Variants in DOCK4 observed in about 807,000 individuals in gnomAD.
The protein encoded by DOCK4 is dedicator of cytokinesis 4.
A neutral mutation model predicts 268.1 loss-of-function variants in DOCK4; 97 were observed. The observed-to-expected ratio is 0.36, with a 90% CI of 0.31 to 0.43. DOCK4 has a LOEUF of 0.43. Ranked by LOEUF, DOCK4 falls within the 20% of genes least tolerant of loss-of-function variation. The probability of loss-of-function intolerance (pLI) is 1.00; values close to 1 mark genes in which losing one functional copy is unlikely to be tolerated. For synonymous variants in DOCK4, 954 were observed against 887.2 expected (o/e 1.08, Z -1.34); for missense variants, 2,145 against 2,455.7 (o/e 0.87, Z 2.67).
In DOCK4 at chr7:111,994,140, A is replaced by C; in HGVS notation, c.310T>G (p.Tyr104Asp). 1 of 1,593,758 alleles carries C rather than the reference A, an allele frequency of 6.3e-7. No homozygotes were observed. Among genetic ancestry groups the C allele is most frequent in the Non-Finnish European group, 8.6e-7 (1 of 1,168,554 alleles). The change falls in exon 5 of 53, where the codon TAT becomes GAT. Residue 104 changes from tyrosine (Y) to aspartate (D), a missense_variant. Tyr to Asp is a radical substitution (Grantham distance 160). Coordinates refer to ENST00000428084, the MANE Select transcript of DOCK4 (RefSeq NM_001363540.2). ...RDWGTMWKQL[Y>D]VRNEGDLFHR... is the part of the protein sequence containing the mutation. ...TCATTAAAAAGCTACTTAACCACAT[A>C]GAGTTGTTTCCACATGGTTCCCCAG... is the stretch of plus-strand genomic sequence containing the variant.
chr7:111,996,494 A>G (rs1036090263), intron 4 of DOCK4, among the ~76,000 whole-genome samples: 38 of 152,204 alleles, frequency 2.5e-4, no homozygotes, highest in Middle Eastern at 3.2e-3. Flanking sequence ...CAAAACCCCA[A>G]AGATGTTCCT....
rs147096796 is a variant in DOCK4, at chr7:111,856,237, G to A, written c.2473+7135C>T. Among the ~76,000 whole-genome samples the A allele has an allele frequency of 4.4e-3, 667 of 152,302 alleles. 3 individuals carry two copies. Among genetic ancestry groups the A allele is most frequent in the African/African-American group, 0.016 (647 of 41,550 alleles). On this transcript the variant is annotated intron_variant, in intron 23 of 52. Transcript: ENST00000428084. Reference sequence around the variant, plus strand: ...TTATACTGTCAATCCGCATTGAGAAGTTCAGAAACATAGTAAGAGAACTAA... The same window carrying A: ...TTATACTGTCAATCCGCATTGAGAAATTCAGAAACATAGTAAGAGAACTAA...
intron 1 of DOCK4, among the ~76,000 whole-genome samples, chr7:112,024,600 C>T (rs1373505910): frequency 3.3e-5 from 5 of 152,128 alleles, no homozygotes; most frequent in Admixed American, 2.0e-4. Flanking sequence ...TGCACCAAAG[C>T]CAACCTAGTC....
chr7:111,814,966 C>T (rs1331385679), intron 27 of DOCK4, among the ~76,000 whole-genome samples: 1 of 152,028 alleles, frequency 6.6e-6, no homozygotes, highest in African/African-American at 2.4e-5. Context: ...ATTAACTGTC[C>T]AATTTTAATA....
intron 23 of DOCK4, among the ~76,000 whole-genome samples, chr7:111,850,741 G>T (rs1389592993): frequency 1.3e-5 from 2 of 149,776 alleles, no homozygotes; most frequent in Non-Finnish European, 3.0e-5. Context: ...CCCCACCCCT[G>T]CCCTCAAGAG....
At chr7:111,991,988 A>AAAAAAAAT (rs1799581134) in intron 5 of DOCK4, among the ~76,000 whole-genome samples, 6 of 135,668 alleles carry the variant, frequency 4.4e-5, no homozygotes, top group South Asian at 2.3e-4. Context: ...AAAAAAAAAA[A>AAAAAAAAT]GTGCCTGGCA....
At chr7:111,809,503 T>C (rs938888875) in intron 28 of DOCK4, 102 bp from the exon 29 acceptor site, 13 of 934,946 alleles carry the variant, frequency 1.4e-5, no homozygotes, top group Middle Eastern at 5.6e-4. Context: ...GTTGAGGGTA[T>C]AGTTGAAGTA....
In DOCK4 at chr7:111,979,257, T is replaced by C. The variant is rs986915167; in HGVS notation, c.550-1974A>G. ...AAGCAAAGGGTGGAAAAAATTTAGC[T>C]AAATTCATCTACAATCACTGTATAC... On this transcript the variant is annotated intron_variant, in intron 7 of 52. Transcript: ENST00000428084. 2.0e-5 allele frequency among the ~76,000 whole-genome samples: 3 copies of C among 152,182 alleles called. No individual in the cohort carries two copies. In the East Asian group the frequency reaches 5.8e-4, roughly 29 times the overall value.
At chr7:111,874,936 G>T (rs1335905474) in intron 17 of DOCK4, among the ~76,000 whole-genome samples, 1 of 152,178 alleles carries the variant, frequency 6.6e-6, no homozygotes, top group Non-Finnish European at 1.5e-5. Flanking sequence ...ATGCTGAATT[G>T]TAGTAGAAAT....
At chr7:111,859,548 G>T (rs1488174547) in intron 23 of DOCK4, among the ~76,000 whole-genome samples, 2 of 149,294 alleles carry the variant, frequency 1.3e-5, no homozygotes, top group Non-Finnish European at 1.5e-5. Context: ...TAAAAATTGT[G>T]TACGTGTGTG....
At chr7:111,838,496 A>C (rs1188313675) in intron 25 of DOCK4, among the ~76,000 whole-genome samples, 1 of 152,228 alleles carries the variant, frequency 6.6e-6, no homozygotes, top group Non-Finnish European at 1.5e-5. Flanking sequence ...AACTATTGAT[A>C]TACAAAAGAA....
At chr7:112,029,482 T>A (rs914126388) in intron 1 of DOCK4, among the ~76,000 whole-genome samples, 1 of 152,232 alleles carries the variant, frequency 6.6e-6, no homozygotes, top group African/African-American at 2.4e-5. Context: ...CATAAAATGT[T>A]ACCATTCATT....
At position 111,950,238 on chromosome 7, in the gene DOCK4, AT is replaced by A. The variant is rs764975152; in HGVS notation, c.702-4441del. 2.2e-4 allele frequency among the ~76,000 whole-genome samples: 33 copies of A among 152,198 alleles called. 1 individual carries two copies. Among genetic ancestry groups the A allele is most frequent in the Non-Finnish European group, 4.4e-4 (30 of 68,030 alleles). ...CACCGTGCCTGGCCAATAATATTGC[AT>A]TCTGGCACATCTTCTGAAATTCTCC... On this transcript the variant is annotated intron_variant, in intron 8 of 52. Coordinates refer to ENST00000428084, the MANE Select transcript of DOCK4 (RefSeq NM_001363540.2).
At chr7:112,006,494 C>A (rs1800874376) in intron 1 of DOCK4, among the ~76,000 whole-genome samples, 1 of 152,212 alleles carries the variant, frequency 6.6e-6, no homozygotes, top group Non-Finnish European at 1.5e-5. Flanking sequence ...TGTATTATCT[C>A]ATTTCTTATC....
chr7:111,935,723 T>C, intron 11 of DOCK4, 95 bp from the exon 12 acceptor site: 2 of 1,069,430 alleles, frequency 1.9e-6, no homozygotes, highest in East Asian at 4.8e-5. Flanking sequence ...ATAACCACTA[T>C]AATGTACCTC....
intron 5 of DOCK4, among the ~76,000 whole-genome samples, chr7:111,993,875 T>C (rs530189226): frequency 4.1e-4 from 63 of 152,332 alleles, no homozygotes; most frequent in Middle Eastern, 3.4e-3. Flanking sequence ...GGTTCAACAA[T>C]AGGTCCATGT....
chr7:112,037,295 C>T, intron 1 of DOCK4, among the ~76,000 whole-genome samples: 1 of 152,160 alleles, frequency 6.6e-6, no homozygotes, highest in Non-Finnish European at 1.5e-5. Flanking sequence ...ACATTTTCAA[C>T]TTAAGATATT....
At chr7:112,171,965 G>A (rs1447477574) in intron 1 of DOCK4, among the ~76,000 whole-genome samples, 1 of 152,128 alleles carries the variant, frequency 6.6e-6, no homozygotes, top group East Asian at 1.9e-4. Flanking sequence ...CTGTGCACAC[G>A]CATCCCTGGT....
intron 1 of DOCK4, among the ~76,000 whole-genome samples, chr7:112,097,886 A>C (rs186561730): frequency 1.1e-4 from 16 of 152,322 alleles, no homozygotes; most frequent in Non-Finnish European, 5.9e-5. Flanking sequence ...TCATTGGTAG[A>C]ATTAAAGGGA....
Sources: allele counts gnomAD v4.1 joint callset (sites outside exome capture counted in the v4.1 genomes callset), GRCh38; gene constraint gnomAD v4.1.1; transcripts MANE v1.5; gene names NCBI Gene and HGNC (gene_info 2026-07-23, HGNC 2026-07-21).